RASGRF2: variants seen among roughly 807,000 people sequenced by gnomAD.
RASGRF2 encodes the protein Ras protein specific guanine nucleotide releasing factor 2.
Under a neutral mutation model 151.0 loss-of-function variants are expected in RASGRF2, and 76 were observed. That is an observed-to-expected ratio of 0.50 (90% confidence interval 0.42 to 0.61). RASGRF2 has a LOEUF of 0.61. RASGRF2 is among the 20% of genes least tolerant of loss of function. The probability of loss-of-function intolerance (pLI) is 0.00; values close to 1 mark genes in which losing one functional copy is unlikely to be tolerated. For missense variants in RASGRF2, 1,148 were observed against 1,564.6 expected (o/e 0.73, Z 4.49); for synonymous variants, 504 against 566.5 (o/e 0.89, Z 1.57).
chr5:81,046,465 C>T (rs1326616597), intron 2 of RASGRF2, among the ~76,000 whole-genome samples: 4 of 151,860 alleles, frequency 2.6e-5, no homozygotes, highest in African/African-American at 9.7e-5. Flanking sequence ...TAATGTTTTG[C>T]TTACCATTGG....
chr5:81,059,179 C>T (rs1260898106), intron 2 of RASGRF2, among the ~76,000 whole-genome samples: 1 of 151,694 alleles, frequency 6.6e-6, no homozygotes, highest in Admixed American at 6.6e-5. Flanking sequence ...GTCAGGAGAT[C>T]CAGACCATCC....
rs1756062619 is a variant in RASGRF2, at chr5:81,229,276, AAG to A, written c.*3510_*3511del. ...TTTTACAACTATCGAAAAGGCATAAAAGAGAACATACTATTTATGGCTGAAGG... is the reference window on the plus strand; with the variant it reads ...TTTTACAACTATCGAAAAGGCATAAAAGAACATACTATTTATGGCTGAAGG... On this transcript the variant is annotated 3_prime_UTR_variant, in exon 27 of 27. Coordinates refer to ENST00000265080, the MANE Select transcript of RASGRF2 (RefSeq NM_006909.3). 1 of 152,226 alleles carries A rather than the reference AAG, an allele frequency of 6.6e-6. No individual in the cohort carries two copies. Among genetic ancestry groups the A allele is most frequent in the Non-Finnish European group, 1.5e-5 (1 of 68,026 alleles). 9.4% of individuals were successfully genotyped at this position (152,226 alleles called of 1,614,324 possible).
chr5:80,960,374 G>C lies in RASGRF2; in HGVS notation c.-365G>C, dbSNP rs1013849235. On this transcript the variant is annotated 5_prime_UTR_variant, in exon 1 of 27. Transcript: ENST00000265080. The surrounding 1 kb of genome is among the most constrained non-coding windows in gnomAD (Gnocchi z 5.5). ...CGTTGCCCGAGGACAGTCCTTCCCC[G>C]GCTGCCGCCCCAGCCCGCCGCGGGG... is the stretch of plus-strand genomic sequence containing the variant. Among the ~76,000 whole-genome samples, 1 of 151,094 alleles carries C rather than the reference G, an allele frequency of 6.6e-6. No individual in the cohort carries two copies. Among genetic ancestry groups the C allele is most frequent in the African/African-American group, 2.4e-5 (1 of 41,342 alleles).
intron 2 of RASGRF2, among the ~76,000 whole-genome samples, chr5:81,052,186 A>G (rs1197594125): frequency 1.3e-5 from 2 of 152,216 alleles, no homozygotes; most frequent in East Asian, 1.9e-4. Flanking sequence ...ATTAATGTCT[A>G]TTGTGATACA....
chr5:81,170,014 A>AT (rs1459012152), intron 17 of RASGRF2, among the ~76,000 whole-genome samples: 5 of 148,272 alleles, frequency 3.4e-5, no homozygotes, highest in African/African-American at 1.0e-4. Context: ...CATCACCTGC[A>AT]CCACCTGCAC....
intron 17 of RASGRF2, among the ~76,000 whole-genome samples, chr5:81,134,693 C>T (rs1437088865): frequency 1.3e-5 from 2 of 152,134 alleles, no homozygotes; most frequent in Non-Finnish European, 2.9e-5. Context: ...AATCTGACTC[C>T]ATATTACTTG....
chr5:80,972,515 T>C (rs1283345412), intron 1 of RASGRF2, among the ~76,000 whole-genome samples: 2 of 152,136 alleles, frequency 1.3e-5, no homozygotes, highest in Non-Finnish European at 2.9e-5. Context: ...AGTCTTGCTC[T>C]GTCACCCAGG....
At chr5:81,192,710 G>T (rs1204354483) in intron 18 of RASGRF2, among the ~76,000 whole-genome samples, 1 of 152,182 alleles carries the variant, frequency 6.6e-6, no homozygotes, top group African/African-American at 2.4e-5. Flanking sequence ...CCTTGGTTTA[G>T]GAGGTTGTCT....
At chr5:81,171,208 C>A (rs1754650349) in intron 17 of RASGRF2, among the ~76,000 whole-genome samples, 1 of 152,174 alleles carries the variant, frequency 6.6e-6, no homozygotes, top group Non-Finnish European at 1.5e-5. Context: ...ACTTTAAATG[C>A]ACCCTCCCTG....
At chr5:80,992,573 A>G (rs1281741670) in intron 1 of RASGRF2, among the ~76,000 whole-genome samples, 5 of 152,258 alleles carry the variant, frequency 3.3e-5, no homozygotes, top group African/African-American at 1.2e-4. Flanking sequence ...AGTTGGTTCC[A>G]GGATAAGCCT....
Position 81,011,680 on chromosome 5 carries a change from G to C in RASGRF2, c.289-31197G>C, listed in dbSNP as rs111728396. On this transcript the variant is annotated intron_variant, in intron 1 of 26. Transcript: ENST00000265080. ...TGCTTGAACCTGGGAGGCGGAGGTTGCCATGAGCTGAGATCGAGCCATTGC... is the reference window on the plus strand; with the variant it reads ...TGCTTGAACCTGGGAGGCGGAGGTTCCCATGAGCTGAGATCGAGCCATTGC... Among the ~76,000 whole-genome samples the C allele has an allele frequency of 5.7e-3, 870 of 151,910 alleles. 5 individuals are homozygous for C. The highest frequency in any genetic ancestry group is 0.021 in the African/African-American group (850 of 41,398).
At chr5:81,225,380 TTTCTG>T (rs1396719276) in intron 26 of RASGRF2, among the ~76,000 whole-genome samples, 3 of 152,180 alleles carry the variant, frequency 2.0e-5, no homozygotes, top group Non-Finnish European at 4.4e-5. Context: ...GGAAAAATGA[TTTCTG>T]TAAGTACATG....
intron 18 of RASGRF2, among the ~76,000 whole-genome samples, chr5:81,192,376 C>T (rs1195514858): frequency 6.6e-6 from 1 of 152,134 alleles, no homozygotes; most frequent in Non-Finnish European, 1.5e-5. Flanking sequence ...AACTTATTGC[C>T]CTTCCTTATG....
chr5:81,087,119 T>C (rs1752257250), intron 9 of RASGRF2, 166 bp downstream of exon 9: 1 of 726,704 alleles, frequency 1.4e-6, no homozygotes. Context: ...TTGTGCTGTT[T>C]CTTTTCAGGG....
rs377022796 is a variant in RASGRF2, at chr5:81,180,032, A to G, written c.2687-143A>G. The stretch of plus-strand genomic sequence containing the variant: ...GAGTAATAGGTGAGCGGAATTCACA[A>G]TAGTCTGAAGCCACGCGCACCTCTC... On this transcript the variant is annotated intron_variant, in intron 17 of 26. Transcript: ENST00000265080. 9.7e-5 allele frequency: 57 copies of G among 587,370 alleles called. 2 individuals carry two copies. The highest frequency in any genetic ancestry group is 9.5e-4 in the African/African-American group (52 of 54,486). The allele number at this position is 587,370 out of a possible 1,614,324, so 36.4% of individuals were successfully genotyped here.
chr5:81,202,354 C>A (rs1438942569), intron 19 of RASGRF2, among the ~76,000 whole-genome samples: 1 of 152,204 alleles, frequency 6.6e-6, no homozygotes, highest in African/African-American at 2.4e-5. Flanking sequence ...AGCTTGGCTG[C>A]ATTGTCTCCT....
chr5:81,207,364 C>T lies in RASGRF2; in HGVS notation c.3071+15C>T, dbSNP rs779567195. On this transcript the variant is annotated intron_variant, in intron 21 of 26. Coordinates refer to ENST00000265080, the MANE Select transcript of RASGRF2 (RefSeq NM_006909.3). ...ATTCCCTACGAGTGAGTGCCACCCCCCACAGCAGCAGGGCTCGGCTGCTCT... is the reference window on the plus strand; with the variant it reads ...ATTCCCTACGAGTGAGTGCCACCCCTCACAGCAGCAGGGCTCGGCTGCTCT... 2 of 1,604,680 alleles carry T rather than the reference C, an allele frequency of 1.2e-6. No individual in the cohort carries two copies. The highest frequency in any genetic ancestry group is 1.7e-6 in the Non-Finnish European group (2 of 1,171,744).
intron 2 of RASGRF2, among the ~76,000 whole-genome samples, chr5:81,067,447 T>C (rs1561588856): frequency 6.6e-6 from 1 of 152,232 alleles, no homozygotes; most frequent in East Asian, 1.9e-4. Flanking sequence ...TAATCTAAAC[T>C]TAATTCTAGA....
intron 5 of RASGRF2, among the ~76,000 whole-genome samples, chr5:81,074,588 C>G (rs1427953956): frequency 6.6e-6 from 1 of 152,062 alleles, no homozygotes; most frequent in African/African-American, 2.4e-5. Context: ...TTTCCCTCTT[C>G]TTACACAAAG....
Sources: allele counts gnomAD v4.1 joint callset (sites outside exome capture counted in the v4.1 genomes callset), GRCh38; gene constraint gnomAD v4.1.1; non-coding constraint Gnocchi (gnomAD v3.1); transcripts MANE v1.5; gene names NCBI Gene and HGNC (gene_info 2026-07-23, HGNC 2026-07-21).